SNTG2: variants seen among roughly 807,000 people sequenced by gnomAD.
SNTG2 encodes the protein syntrophin gamma 2, also known as gamma-2-syntrophin.
SNTG2 carries 74 observed loss-of-function variants against 70.9 expected under a neutral mutation model. The ratio of observed to expected loss-of-function variants is 1.04; its 90% CI spans 0.86 to 1.27. The LOEUF is 1.27. Ranked by LOEUF, SNTG2 falls within the 50% of genes most tolerant of loss-of-function variation. SNTG2 has a pLI of 0.00. For missense variants in SNTG2, 717 were observed against 690.7 expected (o/e 1.04, Z -0.43); for synonymous variants, 278 against 273.8 (o/e 1.02, Z -0.15).
In SNTG2 at chr2:1,180,275, C is replaced by T. The variant is rs1324993177; in HGVS notation, c.591+7092C>T. The stretch of plus-strand genomic sequence containing the variant: ...CAAAAGAAACTACCATCAGAGTGAA[C>T]AGGCAACCTACAGAATGGGAGAAAA... On this transcript the variant is annotated intron_variant, in intron 8 of 16. Transcript: ENST00000308624. Among the ~76,000 whole-genome samples the T allele has an allele frequency of 2.4e-4, 33 of 135,176 alleles. 2 individuals are homozygous for T. Among genetic ancestry groups the T allele is most frequent in the African/African-American group, 8.5e-4 (32 of 37,602 alleles). The allele number at this position is 135,176 out of a possible 152,430, so 88.7% of individuals were successfully genotyped here.
At chr2:1,055,874 G>A (rs551529082) in intron 1 of SNTG2, among the ~76,000 whole-genome samples, 1 of 152,310 alleles carries the variant, frequency 6.6e-6, no homozygotes, top group South Asian at 2.1e-4. Flanking sequence ...GGTGTCTTTA[G>A]GAGTGAGGCT....
At chr2:1,277,228 A>G (rs1043333631) in intron 14 of SNTG2, among the ~76,000 whole-genome samples, 1 of 152,240 alleles carries the variant, frequency 6.6e-6, no homozygotes, top group Non-Finnish European at 1.5e-5. Flanking sequence ...AATTCTATCA[A>G]ACAGCATCAC....
chr2:1,210,934 A>T (rs1430453753), intron 9 of SNTG2, among the ~76,000 whole-genome samples: 1 of 152,146 alleles, frequency 6.6e-6, no homozygotes, highest in Non-Finnish European at 1.5e-5. Context: ...CTGTAAGTGC[A>T]CCCTACGATG....
At position 1,367,510 on chromosome 2, in the gene SNTG2, T is replaced by G. The variant is rs1044447555; in HGVS notation, c.*36T>G. Reference sequence around the variant, plus strand: ...TGTTGAGTGCTGAAAAATTAAATTATTTTCGTAAGAAATGATTCTTTCCTG... The same window carrying G: ...TGTTGAGTGCTGAAAAATTAAATTAGTTTCGTAAGAAATGATTCTTTCCTG... On this transcript the variant is annotated 3_prime_UTR_variant, in exon 17 of 17. Coordinates refer to ENST00000308624, the MANE Select transcript of SNTG2 (RefSeq NM_018968.4). 57 of 1,545,548 alleles carry G rather than the reference T, an allele frequency of 3.7e-5. No individual in the cohort carries two copies. In the Admixed American group the frequency reaches 1.1e-3, roughly 29 times the overall value.
At chr2:1,211,002 A>T (rs913422446) in intron 9 of SNTG2, among the ~76,000 whole-genome samples, 1 of 152,236 alleles carries the variant, frequency 6.6e-6, no homozygotes, top group Non-Finnish European at 1.5e-5. Flanking sequence ...CCCCATCATT[A>T]AGTAACATCT....
Position 1,098,372 on chromosome 2 carries a change from TCC to T in SNTG2, c.289_290del (p.Pro97CysfsTer13), listed in dbSNP as rs1291664581. 9.3e-6 allele frequency: 15 copies of T among 1,613,850 alleles called. No homozygotes were observed. Among genetic ancestry groups the T allele is most frequent in the Non-Finnish European group, 1.3e-5 (15 of 1,179,910 alleles). ...TTTCAGGGAGGTTCTGAGCACAACG[TCC>T]CTGTCGTCATATCAAAAATATTCGA... is the stretch of plus-strand genomic sequence containing the variant. On this transcript the variant is annotated frameshift_variant, in exon 4 of 17. Coordinates refer to ENST00000308624, the MANE Select transcript of SNTG2 (RefSeq NM_018968.4). LOFTEE classifies it high-confidence loss of function.
chr2:1,290,599 C>A (rs1191593732), intron 14 of SNTG2, among the ~76,000 whole-genome samples: 1 of 152,160 alleles, frequency 6.6e-6, no homozygotes, highest in Admixed American at 6.5e-5. Flanking sequence ...CAGGTGTGAG[C>A]CACTGCACCC....
intron 14 of SNTG2, among the ~76,000 whole-genome samples, chr2:1,280,260 T>C (rs889069697): frequency 6.6e-5 from 10 of 152,168 alleles, no homozygotes; most frequent in African/African-American, 2.4e-4. Flanking sequence ...TATGGGGTCA[T>C]TAAAAGACAA....
intron 9 of SNTG2, among the ~76,000 whole-genome samples, chr2:1,222,047 GTC>G (rs1207965521): frequency 0.038 from 229 of 6,002 alleles, 85 homozygotes; most frequent in Non-Finnish European, 0.059. Context: ...GTCTCTCTCT[GTC>G]TCTCTCTGTC....
At chr2:1,311,275 C>T (rs1200355230) in intron 15 of SNTG2, among the ~76,000 whole-genome samples, 1 of 152,206 alleles carries the variant, frequency 6.6e-6, no homozygotes, top group Non-Finnish European at 1.5e-5. Flanking sequence ...TGAAGGAGAG[C>T]ACTTGACCTC....
intron 9 of SNTG2, among the ~76,000 whole-genome samples, chr2:1,228,351 T>C (rs1181164463): frequency 6.6e-6 from 1 of 152,214 alleles, no homozygotes; most frequent in Admixed American, 6.5e-5. Flanking sequence ...TTTCTGGCTG[T>C]GGTTCCCTGC....
chr2:1,100,356 G>A (rs566537463), intron 4 of SNTG2, among the ~76,000 whole-genome samples: 45 of 152,188 alleles, frequency 3.0e-4, no homozygotes, highest in African/African-American at 9.6e-4. Context: ...TAGTAGAGGC[G>A]GGGGTCTCGA....
At chr2:1,141,778 C>A (rs1422781120) in intron 6 of SNTG2, among the ~76,000 whole-genome samples, 1 of 21,994 alleles carries the variant, frequency 4.5e-5, no homozygotes, top group Non-Finnish European at 9.8e-5. Flanking sequence ...ATCTGTTCAG[C>A]TCTGTACTCA....
intron 4 of SNTG2, among the ~76,000 whole-genome samples, chr2:1,110,176 G>A (rs78131760): frequency 0.12 from 18,653 of 152,152 alleles, 1,326 homozygotes; most frequent in Admixed American, 0.16. Context: ...CGGCTGTGGC[G>A]GAGTTTTGTC....
rs758466394 is a variant in SNTG2, at chr2:1,083,520, G to T, written c.75G>T (p.Thr25=). 6.2e-7 allele frequency: 1 copy of T among 1,613,518 alleles called. No individual in the cohort carries two copies. The highest frequency in any genetic ancestry group is 1.1e-5 in the South Asian group (1 of 91,052). The change falls in exon 2 of 17, where the codon ACG becomes ACT. Residue 25 remains threonine, a splice_region_variant and synonymous_variant. Transcript: ENST00000308624. Reference sequence around the variant, plus strand: ...GTGTTTCCACTTTGTCCCTACAGACGAAAACCACTATTGCTCTGTTGTATG... The same window carrying T: ...GTGTTTCCACTTTGTCCCTACAGACTAAAACCACTATTGCTCTGTTGTATG... The part of the protein sequence containing the change: ...RQGCLLVPAR[T]KTTIALLYDE...
intron 14 of SNTG2, among the ~76,000 whole-genome samples, chr2:1,281,061 G>T (rs934613065): frequency 6.6e-6 from 1 of 152,178 alleles, no homozygotes; most frequent in Non-Finnish European, 1.5e-5. Flanking sequence ...GCGGGGTCAA[G>T]TGTCTTAGGG....
chr2:1,262,291 C>G (rs1473961885), intron 13 of SNTG2, among the ~76,000 whole-genome samples: 1 of 152,114 alleles, frequency 6.6e-6, no homozygotes, highest in Admixed American at 6.5e-5. Context: ...CTTCCCCCAT[C>G]TTCATGACAG....
rs555234004 is a variant in SNTG2 at position 1,296,430 on chromosome 2, C to T, written c.1285-12064C>T. On this transcript the variant is annotated intron_variant, in intron 14 of 16. Transcript: ENST00000308624. ...TCCCAAGGTGCCCCTGCCCCAGCAG[C>T]AGCCTCTGTGCTGGTGAGCACGCCG... 3.3e-5 allele frequency among the ~76,000 whole-genome samples: 5 copies of T among 152,386 alleles called. No homozygotes were observed. The South Asian group carries it at 1.0e-3, about 32-fold the overall frequency.
chr2:1,155,044 C>T (rs922106834), intron 6 of SNTG2, among the ~76,000 whole-genome samples: 2 of 151,354 alleles, frequency 1.3e-5, no homozygotes, highest in Admixed American at 6.6e-5. Flanking sequence ...CACACATACA[C>T]ACCACACACA....
Sources: allele counts gnomAD v4.1 joint callset (sites outside exome capture counted in the v4.1 genomes callset), GRCh38; gene constraint gnomAD v4.1.1; transcripts MANE v1.5; gene names NCBI Gene and HGNC (gene_info 2026-07-23, HGNC 2026-07-21).